Variants in SPON1 observed in about 807,000 individuals in gnomAD.
The protein encoded by SPON1 is spondin-1.
SPON1 carries 52 observed loss-of-function variants against 111.7 expected under a neutral mutation model. The observed-to-expected ratio is 0.47, with a 90% confidence interval of 0.37 to 0.59. The LOEUF is 0.59. SPON1 is among the 20% of genes least tolerant of loss of function. The pLI, the probability that SPON1 is intolerant of heterozygous loss-of-function variation, is 0.00. For synonymous variants in SPON1, 410 were observed against 395.8 expected, an observed-to-expected ratio of 1.04 and a Z score of -0.43; for missense variants, 957 against 1,068.5, an observed-to-expected ratio of 0.90 and a Z score of 1.46.
At chr11:14,233,046 T>C (rs1848820619) in intron 6 of SPON1, among the ~76,000 whole-genome samples, 1 of 152,060 alleles carries the variant, frequency 6.6e-6, no homozygotes, top group African/African-American at 2.4e-5. Flanking sequence ...TCCTCTCCTC[T>C]GCCTCCATTC....
chr11:13,988,328 G>A (rs1428649493), intron 2 of SPON1, among the ~76,000 whole-genome samples: 1 of 152,174 alleles, frequency 6.6e-6, no homozygotes, highest in Non-Finnish European at 1.5e-5. Context: ...GTGAATGGGA[G>A]TTCACTCATG....
chr11:14,010,156 A>C (rs147057945), intron 2 of SPON1, among the ~76,000 whole-genome samples: 1 of 152,094 alleles, frequency 6.6e-6, no homozygotes, highest in African/African-American at 2.4e-5. Context: ...AAGGGTCACA[A>C]CTCAGTTTTG....
intron 6 of SPON1, among the ~76,000 whole-genome samples, chr11:14,229,568 G>T (rs782044866): frequency 6.6e-6 from 1 of 152,130 alleles, no homozygotes; most frequent in Non-Finnish European, 1.5e-5. Flanking sequence ...GACTGATACC[G>T]TCTCATTTAA....
At chr11:14,170,142 C>T (rs142419433) in intron 6 of SPON1, among the ~76,000 whole-genome samples, 1,570 of 152,270 alleles carry the variant, frequency 0.01, 24 homozygotes, top group African/African-American at 0.036. Context: ...GAATATTCTT[C>T]CATTTGTTTG....
intron 2 of SPON1, among the ~76,000 whole-genome samples, chr11:14,027,875 A>G (rs182615678): frequency 6.6e-6 from 1 of 152,352 alleles, no homozygotes; most frequent in East Asian, 1.9e-4. Context: ...GTACTGCTAT[A>G]TAAAACTTAA....
At chr11:14,168,747 T>C (rs539621277) in intron 6 of SPON1, among the ~76,000 whole-genome samples, 2 of 150,550 alleles carry the variant, frequency 1.3e-5, no homozygotes, top group Admixed American at 1.3e-4. Context: ...TGAGAACATG[T>C]GGTGTTTGGT....
intron 6 of SPON1, among the ~76,000 whole-genome samples, chr11:14,175,489 A>G (rs1848164842): frequency 6.6e-6 from 1 of 152,158 alleles, no homozygotes; most frequent in Admixed American, 6.5e-5. Context: ...CCCACATGCT[A>G]TCCTGTGATA....
intron 6 of SPON1, among the ~76,000 whole-genome samples, 172 bp from the exon 7 acceptor site, chr11:14,243,160 T>A (rs1319738537): frequency 6.6e-6 from 1 of 152,164 alleles, no homozygotes; most frequent in African/African-American, 2.4e-5. Flanking sequence ...TCTCCCGGTA[T>A]CACTGAGGCC....
chr11:14,197,520 T>TAAATAAATAAATAAAC (rs1554935216), intron 6 of SPON1, among the ~76,000 whole-genome samples: 12 of 135,366 alleles, frequency 8.9e-5, no homozygotes, highest in African/African-American at 3.1e-4. Flanking sequence ...AATAAATAAA[T>TAAATAAATAAATAAAC]AAACAAGTGG....
At chr11:13,994,769 A>G (rs1328171221) in intron 2 of SPON1, among the ~76,000 whole-genome samples, 2 of 152,232 alleles carry the variant, frequency 1.3e-5, no homozygotes, top group East Asian at 3.8e-4. Context: ...TAAGTTAAGA[A>G]TGAATCATCC....
At chr11:14,184,872 C>G (rs1051867890) in intron 6 of SPON1, among the ~76,000 whole-genome samples, 3 of 152,222 alleles carry the variant, frequency 2.0e-5, no homozygotes, top group African/African-American at 7.2e-5. Context: ...TAGCTACAAA[C>G]TTGTCACCCT....
intron 2 of SPON1, among the ~76,000 whole-genome samples, chr11:14,019,724 A>G (rs1848467389): frequency 6.6e-6 from 1 of 152,170 alleles, no homozygotes; most frequent in Non-Finnish European, 1.5e-5. Context: ...TCCCTGGACT[A>G]GTAGCTCTGT....
intron 2 of SPON1, among the ~76,000 whole-genome samples, chr11:14,024,604 G>A (rs917401262): frequency 1.2e-4 from 19 of 152,162 alleles, no homozygotes; most frequent in East Asian, 3.9e-4. Flanking sequence ...ATGTCTAGCC[G>A]CTTGTGTGTG....
intron 2 of SPON1, among the ~76,000 whole-genome samples, chr11:14,039,418 CTGTGTGTGTGTA>C (rs1298937628): frequency 2.0e-5 from 3 of 151,796 alleles, no homozygotes; most frequent in Non-Finnish European, 4.4e-5. Context: ...GTGAGGGAGA[CTGTGTGTGTGTA>C]TGTGTGTGTA....
At chr11:14,062,452 G>A (rs896608293) in intron 3 of SPON1, among the ~76,000 whole-genome samples, 1 of 152,150 alleles carries the variant, frequency 6.6e-6, no homozygotes, top group Non-Finnish European at 1.5e-5. Flanking sequence ...CTTTTCTACT[G>A]ACAACCAGTA....
intron 6 of SPON1, among the ~76,000 whole-genome samples, chr11:14,179,306 G>T (rs782185942): frequency 6.6e-6 from 1 of 152,112 alleles, no homozygotes. Context: ...ACATAAAAGG[G>T]TCAAGAATAA....
Position 13,968,739 on chromosome 11 carries a change from G to A in SPON1, c.238+5597G>A, listed in dbSNP as rs1407097654. On this transcript the variant is annotated intron_variant, in intron 1 of 15. Coordinates refer to ENST00000576479, the MANE Select transcript of SPON1 (RefSeq NM_006108.4). ...GTCAGCATGCAGTGGACTGGGGGGA[G>A]AGGAAGTAGAGGACTTCAGTTTTCT... 2.0e-5 allele frequency among the ~76,000 whole-genome samples: 3 copies of A among 152,144 alleles called. No homozygotes were observed. In the South Asian group the frequency reaches 6.2e-4, roughly 32 times the overall value.
chr11:13,987,529 T>C (rs1437510122), intron 2 of SPON1, among the ~76,000 whole-genome samples: 1 of 152,248 alleles, frequency 6.6e-6, no homozygotes, highest in African/African-American at 2.4e-5. Context: ...GGTAGTTTCT[T>C]TTGCTGTGCA....
chr11:14,158,265 C>A (rs1331115772), intron 6 of SPON1, among the ~76,000 whole-genome samples: 1 of 152,060 alleles, frequency 6.6e-6, no homozygotes, highest in African/African-American at 2.4e-5. Flanking sequence ...TCACTTAAAG[C>A]CTGTAGTGCT....
Sources: gnomAD v4.1 joint callset for allele counts (sites outside exome capture counted in the v4.1 genomes callset) on GRCh38, gnomAD v4.1.1 for gene constraint, MANE v1.5 for transcripts, NCBI Gene and HGNC (gene_info 2026-07-23, HGNC 2026-07-21) for gene names.